The following EFHC1 variants were observed in gnomAD, a reference collection of about 807,000 sequenced individuals.
EFHC1 encodes the protein EF-hand domain-containing protein 1.
Under a neutral mutation model 69.9 loss-of-function variants are expected in EFHC1, and 53 were observed. The ratio of observed to expected loss-of-function variants is 0.76; its 90% CI spans 0.61 to 0.95. EFHC1 has a LOEUF of 0.95. EFHC1 is among the 40% of genes least tolerant of loss of function. The pLI, the probability that EFHC1 is intolerant of heterozygous loss-of-function variation, is 0.00. For synonymous variants in EFHC1, 256 were observed against 278.4 expected (o/e 0.92, Z 0.80); for missense variants, 739 against 798.7 (o/e 0.93, Z 0.90).
intron 1 of EFHC1, among the ~76,000 whole-genome samples, chr6:52,423,168 GT>G (rs1764227309): frequency 6.6e-6 from 1 of 152,150 alleles, no homozygotes; most frequent in East Asian, 1.9e-4. Flanking sequence ...TTTCCAAAGA[GT>G]TGTAAGAATG....
intron 3 of EFHC1, among the ~76,000 whole-genome samples, chr6:52,441,677 A>G (rs62407894): frequency 6.1e-3 from 924 of 152,262 alleles, no homozygotes; most frequent in South Asian, 0.013. Context: ...TTGAATCTGT[A>G]CATTGCTTTG....
chr6:52,475,639 G>A (rs374731972), intron 7 of EFHC1, among the ~76,000 whole-genome samples: 15 of 152,262 alleles, frequency 9.9e-5, no homozygotes, highest in Admixed American at 3.3e-4. Flanking sequence ...TACTATGAGT[G>A]CATTTATTTT....
chr6:52,458,002 G>A (rs927941044), intron 5 of EFHC1, among the ~76,000 whole-genome samples: 2 of 152,164 alleles, frequency 1.3e-5, no homozygotes. Context: ...AATCTGATGA[G>A]ATCAACATAC....
chr6:52,481,323 T>C (rs984494137), intron 9 of EFHC1, among the ~76,000 whole-genome samples: 3 of 152,052 alleles, frequency 2.0e-5, no homozygotes, highest in African/African-American at 7.2e-5. Flanking sequence ...TTGCCTTCTT[T>C]GTTGGTTGGG....
At chr6:52,460,514 T>C (rs557445277) in intron 5 of EFHC1, among the ~76,000 whole-genome samples, 42 of 152,188 alleles carry the variant, frequency 2.8e-4, no homozygotes, top group Non-Finnish European at 5.3e-4. Flanking sequence ...GTGCAGCTTA[T>C]TGTAGTCAAT....
rs138247592 is a variant in EFHC1, at chr6:52,436,148, C to T, written c.286-2156C>T. On this transcript the variant is annotated intron_variant, in intron 2 of 10. Coordinates refer to ENST00000371068, the MANE Select transcript of EFHC1 (RefSeq NM_018100.4). ...TATATATGAATTACTATGATCATGT[C>T]CCCCCTTTCAGTTCTTTGCAGTTGA... Among the ~76,000 whole-genome samples, 293 of 152,214 alleles carry T rather than the reference C, an allele frequency of 1.9e-3. 2 individuals are homozygous for T. Among genetic ancestry groups the T allele is most frequent in the African/African-American group, 6.7e-3 (278 of 41,514 alleles).
chr6:52,420,648 C>T (rs1213130806), intron 1 of EFHC1, among the ~76,000 whole-genome samples, 175 bp downstream of exon 1: 2 of 152,062 alleles, frequency 1.3e-5, no homozygotes, highest in African/African-American at 4.8e-5. Context: ...CTTCCCTAGC[C>T]ATCCTCATCC....
intron 9 of EFHC1, chr6:52,483,230 G>C (rs936667198): frequency 5.7e-6 from 1 of 175,680 alleles, no homozygotes. Flanking sequence ...CCATGTTGTT[G>C]GGGGAATGGG....
At chr6:52,475,710 CAT>C (rs1241542945) in intron 7 of EFHC1, among the ~76,000 whole-genome samples, 2 of 152,090 alleles carry the variant, frequency 1.3e-5, no homozygotes, top group Non-Finnish European at 2.9e-5. Context: ...TATAGAAGAA[CAT>C]ATGTTTAATT....
chr6:52,472,617 C>A (rs1187669880), intron 7 of EFHC1, among the ~76,000 whole-genome samples: 1 of 151,040 alleles, frequency 6.6e-6, no homozygotes, highest in Non-Finnish European at 1.5e-5. Flanking sequence ...ATATGTAACA[C>A]CTAAAAGATG....
intron 7 of EFHC1, among the ~76,000 whole-genome samples, chr6:52,477,890 T>G (rs1001377664): frequency 6.6e-6 from 1 of 152,184 alleles, no homozygotes; most frequent in African/African-American, 2.4e-5. Context: ...GATCTAGAAC[T>G]GGAAATACCA....
Position 52,454,161 on chromosome 6 carries a change from A to G in EFHC1, c.790A>G (p.Ile264Val). ...SMYGECRTYI[I>V]HYYLMDDTVE... is the part of the protein sequence containing the mutation. ...GTATGGTGAATGTCGGACCTACATC[A>G]TTCATTACTATCTTATGGATGATAC... Residue 264 changes from isoleucine to valine, a missense_variant, in exon 5 of 11, where the codon ATT becomes GTT. By Grantham distance (29) the Ile-to-Val change is conservative. Transcript: ENST00000371068. 6.2e-7 allele frequency: 1 copy of G among 1,614,120 alleles called. No homozygotes were observed. Among genetic ancestry groups the G allele is most frequent in the Non-Finnish European group, 8.5e-7 (1 of 1,180,012 alleles).
In EFHC1 at chr6:52,494,008, G is replaced by C. The variant is rs1354060945; in HGVS notation, c.*1667G>C. On this transcript the variant is annotated 3_prime_UTR_variant, in exon 11 of 11. Coordinates refer to ENST00000371068, the MANE Select transcript of EFHC1 (RefSeq NM_018100.4). ...AATGTATTATGTTGATTCCTTTTCTGTTCCAGGTTATTATCTTGGGAATAA... is the reference window on the plus strand; with the variant it reads ...AATGTATTATGTTGATTCCTTTTCTCTTCCAGGTTATTATCTTGGGAATAA... The C allele has an allele frequency of 2.2e-6, 1 of 453,924 alleles. No homozygotes were observed. Among genetic ancestry groups the C allele is most frequent in the African/African-American group, 2.0e-5 (1 of 49,980 alleles). 28.1% of individuals were successfully genotyped at this position (453,924 alleles called of 1,614,324 possible). A position where few individuals can be genotyped will look rare whatever the true frequency, so the allele number is the denominator to read the frequency against.
At chr6:52,421,992 C>A (rs1764201310) in intron 1 of EFHC1, among the ~76,000 whole-genome samples, 1 of 152,180 alleles carries the variant, frequency 6.6e-6, no homozygotes, top group East Asian at 1.9e-4. Context: ...ATACACTGGC[C>A]AAGTGTCAAC....
At chr6:52,454,942 A>G (rs372194671) in intron 5 of EFHC1, among the ~76,000 whole-genome samples, 2 of 152,060 alleles carry the variant, frequency 1.3e-5, no homozygotes, top group East Asian at 3.9e-4. Context: ...AAATACAAAA[A>G]TTAGCCATGC....
At chr6:52,458,862 A>G (rs1278705660) in intron 5 of EFHC1, among the ~76,000 whole-genome samples, 2 of 152,256 alleles carry the variant, frequency 1.3e-5, no homozygotes, top group Non-Finnish European at 2.9e-5. Flanking sequence ...CCAGGTGCCC[A>G]TCACTGGTGG....
intron 3 of EFHC1, among the ~76,000 whole-genome samples, chr6:52,450,742 C>T (rs116127914): frequency 4.6e-5 from 7 of 152,080 alleles, no homozygotes; most frequent in Non-Finnish European, 7.4e-5. Context: ...ACCATTGGGT[C>T]TTCCTTTTTT....
chr6:52,453,479 T>C, intron 4 of EFHC1: 1 of 1,287,182 alleles, frequency 7.8e-7, no homozygotes, highest in Admixed American at 2.3e-5. Flanking sequence ...TCCTTTTCTT[T>C]AGACATTTAA....
chr6:52,438,504 T>A lies in EFHC1; in HGVS notation c.486T>A (p.His162Gln), dbSNP rs758688257. The change falls in exon 3 of 11, where the codon CAT (histidine) becomes CAA (glutamine). Residue 162 changes from histidine to glutamine, a missense_variant. Physicochemically the swap from His to Gln is conservative, Grantham distance 24 (BLOSUM62 0). Transcript: ENST00000371068. ...TAGCCAAGAATGACCGGGGTGACCA[T>A]TACCATTGGAAAGACCTAAATCGAG... ...QRLAKNDRGD[H>Q]YHWKDLNRGI... 1 of 1,614,096 alleles carries A rather than the reference T, an allele frequency of 6.2e-7. No homozygotes were observed. Among genetic ancestry groups the A allele is most frequent in the Non-Finnish European group, 8.5e-7 (1 of 1,179,982 alleles).
Sources: allele counts gnomAD v4.1 joint callset (sites outside exome capture counted in the v4.1 genomes callset), GRCh38; gene constraint gnomAD v4.1.1; transcripts MANE v1.5; gene names NCBI Gene and HGNC (gene_info 2026-07-23, HGNC 2026-07-21).